Variants in ZNF385D observed in about 807,000 individuals in gnomAD.
ZNF385D encodes zinc finger protein 659.
In ZNF385D, 15 loss-of-function variants were observed where a neutral mutation model predicts 35.8. The ratio of observed to expected loss-of-function variants is 0.42; its 90% CI spans 0.28 to 0.64. ZNF385D has a LOEUF of 0.64. ZNF385D is among the 30% of genes least tolerant of loss of function. The probability of loss-of-function intolerance (pLI) is 0.23; values close to 1 mark genes in which losing one functional copy is unlikely to be tolerated. For missense variants in ZNF385D, 474 were observed against 494.6 expected, an observed-to-expected ratio of 0.96 and a Z score of 0.39; for synonymous variants, 212 against 186.8, an observed-to-expected ratio of 1.13 and a Z score of -1.10.
At chr3:22,101,025 A>C (rs1280557446) in intron 3 of ZNF385D, among the ~76,000 whole-genome samples, 1 of 151,996 alleles carries the variant, frequency 6.6e-6, no homozygotes. Flanking sequence ...GGCTACCCAA[A>C]CAGTTTCAAT....
At position 22,307,105 on chromosome 3, in the gene ZNF385D, C is replaced by T. The variant is rs1244082860; in HGVS notation, c.106+65345G>A. 2.0e-5 allele frequency among the ~76,000 whole-genome samples: 3 copies of T among 152,142 alleles called. No homozygotes were observed. In the East Asian group the frequency reaches 5.8e-4, roughly 29 times the overall value. The stretch of plus-strand genomic sequence containing the variant: ...ACTAGGGTTAAACTACAGGAATAGT[C>T]CCAAAGTTTCTGCGCCCTAAAAGGA... On this transcript the variant is annotated intron_variant, in intron 2 of 5. Coordinates refer to the ZNF385D transcript ENST00000494108.
chr3:22,096,210 T>A (rs1456841540), intron 3 of ZNF385D, among the ~76,000 whole-genome samples: 1 of 151,886 alleles, frequency 6.6e-6, no homozygotes, highest in Admixed American at 6.6e-5. Flanking sequence ...AACCGACTGT[T>A]GAGTAGCATG....
chr3:21,938,179 A>T (rs1701351005), intron 3 of ZNF385D, among the ~76,000 whole-genome samples: 1 of 152,178 alleles, frequency 6.6e-6, no homozygotes, highest in Non-Finnish European at 1.5e-5. Context: ...TACCCATTTT[A>T]GTCGGATAAT....
At chr3:21,997,862 CGCGCGCGCGCGTGTGTGT>C (rs1272327193) in intron 3 of ZNF385D, among the ~76,000 whole-genome samples, 15 of 112,500 alleles carry the variant, frequency 1.3e-4, no homozygotes, top group African/African-American at 3.5e-4. Context: ...ATTTGGCGCG[CGCGCGCGCGCGTGTGTGT>C]GTGTGTGTGT....
At chr3:21,737,243 T>A (rs1287862079) in intron 1 of ZNF385D, among the ~76,000 whole-genome samples, 1 of 152,232 alleles carries the variant, frequency 6.6e-6, no homozygotes, top group East Asian at 1.9e-4. Flanking sequence ...TAGATACATG[T>A]GTCCATGTAA....
At chr3:22,213,337 T>C (rs945367755) in intron 2 of ZNF385D, among the ~76,000 whole-genome samples, 5 of 152,082 alleles carry the variant, frequency 3.3e-5, no homozygotes, top group African/African-American at 4.8e-5. Context: ...AAACAATTTG[T>C]ATCTTACTGG....
intron 3 of ZNF385D, among the ~76,000 whole-genome samples, chr3:21,920,915 T>G (rs2125220698): frequency 6.6e-6 from 1 of 151,988 alleles, no homozygotes; most frequent in East Asian, 1.9e-4. Context: ...TTGAACTCAT[T>G]TAAGAAAAAC....
chr3:21,462,784 C>G (rs1198682748), intron 4 of ZNF385D, among the ~76,000 whole-genome samples: 1 of 152,080 alleles, frequency 6.6e-6, no homozygotes, highest in Non-Finnish European at 1.5e-5. Flanking sequence ...GAGTTCGAGA[C>G]CAGCCTGGCC....
intron 2 of ZNF385D, among the ~76,000 whole-genome samples, chr3:22,364,113 A>AT (rs1188154643): frequency 1.3e-4 from 19 of 151,544 alleles, no homozygotes; most frequent in South Asian, 2.2e-4. Flanking sequence ...CTAGGCTCTT[A>AT]TTTTTTTGGA....
chr3:21,578,992 A>G (rs1490988898), intron 2 of ZNF385D, among the ~76,000 whole-genome samples: 2 of 152,190 alleles, frequency 1.3e-5, no homozygotes, highest in African/African-American at 4.8e-5. Flanking sequence ...CCTTGTCATC[A>G]GCACTTAGAG....
intron 2 of ZNF385D, among the ~76,000 whole-genome samples, chr3:22,249,348 G>C (rs1699951695): frequency 6.6e-6 from 1 of 152,122 alleles, no homozygotes; most frequent in Non-Finnish European, 1.5e-5. Context: ...TAGGCACTTA[G>C]TAACAGAAAA....
intron 1 of ZNF385D, among the ~76,000 whole-genome samples, chr3:21,684,429 CTCCTCT>C (rs1559516938): frequency 9.0e-6 from 1 of 111,500 alleles, no homozygotes; most frequent in African/African-American, 3.2e-5. Context: ...CTCTCTCTCT[CTCCTCT>C]CTCTCTTTCT....
At chr3:21,623,876 C>T (rs2065068913) in intron 2 of ZNF385D, among the ~76,000 whole-genome samples, 1 of 151,978 alleles carries the variant, frequency 6.6e-6, no homozygotes, top group Non-Finnish European at 1.5e-5. Context: ...AAAAGTAAAG[C>T]AATGTAACTC....
chr3:22,229,605 G>A (rs564210342), intron 2 of ZNF385D, among the ~76,000 whole-genome samples: 3 of 152,220 alleles, frequency 2.0e-5, no homozygotes, highest in African/African-American at 7.2e-5. Context: ...TTTCCTCACA[G>A]CCATTTGTAA....
chr3:22,308,928 A>G (rs1052397390), intron 2 of ZNF385D, among the ~76,000 whole-genome samples: 3 of 152,118 alleles, frequency 2.0e-5, no homozygotes, highest in Non-Finnish European at 4.4e-5. Context: ...AATTTGCTTT[A>G]TAATTTAGGA....
At chr3:21,729,981 TTAC>T (rs1467876372) in intron 1 of ZNF385D, among the ~76,000 whole-genome samples, 1 of 152,346 alleles carries the variant, frequency 6.6e-6, no homozygotes, top group East Asian at 1.9e-4. Flanking sequence ...TATCTTTTAA[TTAC>T]TACAACACTC....
chr3:21,605,360 T>C (rs1469912641), intron 2 of ZNF385D, among the ~76,000 whole-genome samples: 1 of 152,058 alleles, frequency 6.6e-6, no homozygotes, highest in Non-Finnish European at 1.5e-5. Context: ...GGGGACAGAG[T>C]GAAGAAATCA....
intron 3 of ZNF385D, among the ~76,000 whole-genome samples, chr3:22,040,949 CT>C (rs150748669): frequency 5.7e-4 from 87 of 152,068 alleles, no homozygotes; most frequent in Non-Finnish European, 1.3e-4. Context: ...ACAATTTTCT[CT>C]TTTTTCTCAG....
intron 2 of ZNF385D, among the ~76,000 whole-genome samples, chr3:22,285,169 T>A (rs1291798174): frequency 6.6e-6 from 1 of 152,146 alleles, no homozygotes; most frequent in Non-Finnish European, 1.5e-5. Context: ...CAAAGCAAAA[T>A]TAGTATTCTT....
Sources: allele counts gnomAD v4.1 joint callset (sites outside exome capture counted in the v4.1 genomes callset), GRCh38; gene constraint gnomAD v4.1.1; transcripts MANE v1.5; gene names NCBI Gene and HGNC (gene_info 2026-07-23, HGNC 2026-07-21).